SGCD: variants seen among roughly 807,000 people sequenced by gnomAD.
SGCD encodes the protein sarcoglycan delta, also known as delta-sarcoglycan.
SGCD carries 18 observed loss-of-function variants against 36.6 expected under a neutral mutation model. The observed-to-expected ratio is 0.49, with a 90% CI of 0.34 to 0.73. SGCD has a LOEUF of 0.73. SGCD is among the 30% of genes least tolerant of loss of function. The pLI, the probability that SGCD is intolerant of heterozygous loss-of-function variation, is 0.01. For synonymous variants in SGCD, 133 were observed against 130.6 expected (o/e 1.02, Z -0.12); for missense variants, 387 against 346.7 (o/e 1.12, Z -0.92).
intron 1 of SGCD, among the ~76,000 whole-genome samples, chr5:156,043,507 G>A (rs974986322): frequency 6.6e-6 from 1 of 152,158 alleles, no homozygotes; most frequent in African/African-American, 2.4e-5. Flanking sequence ...CACTGGGAAA[G>A]TGGGGGCAAA....
chr5:156,433,049 G>A (rs1753092112), intron 3 of SGCD, among the ~76,000 whole-genome samples: 1 of 152,308 alleles, frequency 6.6e-6, no homozygotes, highest in East Asian at 1.9e-4. Context: ...ACAGAATTCA[G>A]TTGGGGGTGT....
At chr5:156,704,376 C>G (rs1247016093) in intron 7 of SGCD, 1 of 152,102 alleles carries the variant, frequency 6.6e-6, no homozygotes, top group Non-Finnish European at 1.5e-5. Flanking sequence ...AATAAAAATG[C>G]CTAGCTAAGG....
At chr5:155,982,080 T>A (rs892026723) in intron 1 of SGCD, among the ~76,000 whole-genome samples, 10 of 152,194 alleles carry the variant, frequency 6.6e-5, no homozygotes, top group African/African-American at 9.6e-5. Flanking sequence ...TCCTCTCCGT[T>A]CACTTTCTCT....
rs115006389 is a variant in SGCD at position 156,334,664 on chromosome 5, G to A, written c.3+5085G>A. 5.1e-3 allele frequency among the ~76,000 whole-genome samples: 650 copies of A among 127,472 alleles called. 3 individuals carry two copies. The highest frequency in any genetic ancestry group is 0.017 in the African/African-American group (563 of 32,384). 83.6% of individuals were successfully genotyped at this position (127,472 alleles called of 152,430 possible). A position where few individuals can be genotyped will look rare whatever the true frequency, so the allele number is the denominator to read the frequency against. ...TTAGGAGGTGGGACTTTTCCTCATA[G>A]CATTCATCTCCTTGTGACATAAATA... On this transcript the variant is annotated intron_variant, in intron 2 of 8. Coordinates refer to ENST00000337851, the MANE Select transcript of SGCD (RefSeq NM_000337.6).
At chr5:156,423,353 T>TAA (rs1561685801) in intron 3 of SGCD, among the ~76,000 whole-genome samples, 1 of 26,170 alleles carries the variant, frequency 3.8e-5, no homozygotes, top group African/African-American at 1.3e-4. Flanking sequence ...TATTATAATT[T>TAA]TATTATAATA....
At chr5:155,960,685 C>G (rs979102887) in intron 1 of SGCD, among the ~76,000 whole-genome samples, 4 of 152,092 alleles carry the variant, frequency 2.6e-5, no homozygotes, top group Non-Finnish European at 5.9e-5. Context: ...GCACCTTCTT[C>G]CTTGGTTGTT....
chr5:155,963,503 A>G (rs1757834074), intron 1 of SGCD, among the ~76,000 whole-genome samples: 1 of 152,108 alleles, frequency 6.6e-6, no homozygotes, highest in East Asian at 1.9e-4. Flanking sequence ...CTAGAACAAT[A>G]ACAGCAGTGA....
At chr5:155,931,810 G>A (rs1437634194) in intron 1 of SGCD, among the ~76,000 whole-genome samples, 2 of 152,174 alleles carry the variant, frequency 1.3e-5, no homozygotes, top group African/African-American at 4.8e-5. Flanking sequence ...CATTTGGGCT[G>A]CTGTAACAAA....
the SGCD span, among the ~76,000 whole-genome samples, chr5:155,844,328 C>T: frequency 1.3e-5 from 2 of 151,760 alleles, no homozygotes; most frequent in Admixed American, 6.6e-5. Flanking sequence ...GTAAATTTTC[C>T]ATTTTCCTTA....
chr5:156,705,503 TG>T (rs1245708444), intron 7 of SGCD, among the ~76,000 whole-genome samples: 1 of 152,186 alleles, frequency 6.6e-6, no homozygotes, highest in Non-Finnish European at 1.5e-5. Context: ...ATTGAAATAC[TG>T]GGTCCTTGTT....
intron 3 of SGCD, among the ~76,000 whole-genome samples, chr5:156,451,478 T>A (rs542123113): frequency 3.0e-4 from 45 of 152,150 alleles, no homozygotes; most frequent in African/African-American, 1.0e-3. Context: ...ACCAAAATCT[T>A]GACAAAACTT....
intron 1 of SGCD, among the ~76,000 whole-genome samples, chr5:156,047,978 T>G (rs1053571541): frequency 1.3e-5 from 2 of 152,002 alleles, no homozygotes; most frequent in Non-Finnish European, 2.9e-5. Context: ...CCCCATCCCC[T>G]CACCCCAAAA....
intron 6 of SGCD, among the ~76,000 whole-genome samples, chr5:156,641,567 T>C (rs1246556646): frequency 1.3e-5 from 2 of 152,214 alleles, no homozygotes; most frequent in Non-Finnish European, 2.9e-5. Context: ...TATAGTTGGA[T>C]TCAGAGCAGC....
At chr5:156,158,318 A>G (rs1763011891) in intron 3 of SGCD, among the ~76,000 whole-genome samples, 1 of 151,628 alleles carries the variant, frequency 6.6e-6, no homozygotes, top group South Asian at 2.1e-4. Context: ...GGAGAGAATA[A>G]CTTTTTTCTG....
At chr5:156,504,315 C>A (rs1756593621) in intron 3 of SGCD, among the ~76,000 whole-genome samples, 1 of 150,198 alleles carries the variant, frequency 6.7e-6, no homozygotes, top group African/African-American at 2.5e-5. Flanking sequence ...AGTATAATTC[C>A]CCCTAGAATT....
intron 7 of SGCD, among the ~76,000 whole-genome samples, chr5:156,695,705 AAAGT>A (rs1344950216): frequency 2.0e-5 from 3 of 152,210 alleles, no homozygotes; most frequent in East Asian, 1.9e-4. Context: ...AAACAGCAAG[AAAGT>A]AAGTATCTTA....
chr5:155,870,183 T>A (rs542594868), upstream of SGCD, among the ~76,000 whole-genome samples: 5 of 152,368 alleles, frequency 3.3e-5, no homozygotes, highest in African/African-American at 7.2e-5. Flanking sequence ...TTTGAACCCC[T>A]AATTGCTGCA....
rs1755291832 is a variant in SGCD at position 156,478,560 on chromosome 5, C to A, written c.193-30041C>A. Among the ~76,000 whole-genome samples the A allele has an allele frequency of 2.6e-5, 4 of 152,304 alleles. No homozygotes were observed. In the South Asian group the frequency reaches 8.3e-4, roughly 32 times the overall value. On this transcript the variant is annotated intron_variant, in intron 3 of 8. Transcript: ENST00000337851. Reference sequence around the variant, plus strand: ...CAGGCCCTCCATTCACCTTCTACATCTGGCTGAATCATTCTCCAGTTGACT... The same window carrying A: ...CAGGCCCTCCATTCACCTTCTACATATGGCTGAATCATTCTCCAGTTGACT...
At chr5:155,925,915 TG>T (rs1214104819) in intron 1 of SGCD, among the ~76,000 whole-genome samples, 1 of 148,300 alleles carries the variant, frequency 6.7e-6, no homozygotes, top group East Asian at 2.0e-4. Context: ...CCACCACACC[TG>T]GCAACTTTTT....
Sources: gnomAD v4.1 joint callset for allele counts (sites outside exome capture counted in the v4.1 genomes callset) on GRCh38, gnomAD v4.1.1 for gene constraint, MANE v1.5 for transcripts, NCBI Gene and HGNC (gene_info 2026-07-23, HGNC 2026-07-21) for gene names.